Variants in ZFHX3 observed in about 807,000 individuals in gnomAD.
The protein encoded by ZFHX3 is zinc finger homeobox protein 3.
ZFHX3 carries 42 observed loss-of-function variants against 279.1 expected under a neutral mutation model. The observed-to-expected ratio is 0.15, with a 90% CI of 0.12 to 0.19. The LOEUF is 0.19. Among genes scored for constraint, ZFHX3 ranks in the 10% least tolerant of loss-of-function variants. The pLI, the probability that ZFHX3 is intolerant of heterozygous loss-of-function variation, is 1.00. For synonymous variants in ZFHX3, 2,293 were observed against 1,957.8 expected (o/e 1.17, Z -4.52); for missense variants, 4,981 against 4,754.0 (o/e 1.05, Z -1.40).
chr16:73,568,720 CT>C (rs2020485255), intron 2 of ZFHX3, among the ~76,000 whole-genome samples: 1 of 152,226 alleles, frequency 6.6e-6, no homozygotes, highest in African/African-American at 2.4e-5. Flanking sequence ...GCTGGCCCCC[CT>C]CTAGCCACAG....
intron 2 of ZFHX3, among the ~76,000 whole-genome samples, chr16:73,532,906 T>G (rs2019832391): frequency 6.6e-6 from 1 of 152,142 alleles, no homozygotes; most frequent in South Asian, 2.1e-4. Flanking sequence ...TCATTCTCTC[T>G]CCTGCCACCC....
intron 3 of ZFHX3, among the ~76,000 whole-genome samples, chr16:73,322,855 G>C (rs2015604961): frequency 6.6e-6 from 1 of 152,184 alleles, no homozygotes; most frequent in African/African-American, 2.4e-5. Context: ...AAAATAAAAT[G>C]GTCTAGCTGA....
In ZFHX3 at chr16:72,796,247, G is replaced by A. The variant is rs1409247034; in HGVS notation, c.6435C>T (p.Asn2145=). The part of the protein sequence containing the change: ...QLNPTLLQQQ[N]KRPRTRITDD... ...CTGTGATCCTGGTGCGAGGCCTCTT[G>A]TTCTGCTGCTGGAGCAGGGTTGGAT... Residue 2145 remains asparagine, a synonymous_variant, in exon 9 of 10, where the codon AAC becomes AAT. Coordinates refer to ENST00000268489, the MANE Select transcript of ZFHX3 (RefSeq NM_006885.4). 6.2e-6 allele frequency: 10 copies of A among 1,614,166 alleles called. No individual in the cohort carries two copies. Among genetic ancestry groups the A allele is most frequent in the Non-Finnish European group, 7.6e-6 (9 of 1,180,040 alleles).
chr16:72,887,229 C>T, intron 4 of ZFHX3, among the ~76,000 whole-genome samples: 1 of 152,098 alleles, frequency 6.6e-6, no homozygotes. Context: ...GGAGGGACGC[C>T]TCCAGGAGGA....
intron 1 of ZFHX3, among the ~76,000 whole-genome samples, chr16:72,989,664 T>C (rs949738866): frequency 2.0e-5 from 3 of 151,902 alleles, no homozygotes; most frequent in African/African-American, 7.3e-5. Flanking sequence ...AAGGAAGAAA[T>C]AAGTGGGAAG....
At chr16:73,109,155 C>T (rs961791447) in intron 7 of ZFHX3, among the ~76,000 whole-genome samples, 48 of 152,292 alleles carry the variant, frequency 3.2e-4, no homozygotes, top group African/African-American at 1.1e-3. Context: ...AACTGTTTCA[C>T]GTGTATTTTT....
At chr16:73,077,507 A>G (rs1053195387) in intron 8 of ZFHX3, among the ~76,000 whole-genome samples, 1 of 152,160 alleles carries the variant, frequency 6.6e-6, no homozygotes, top group African/African-American at 2.4e-5. Flanking sequence ...TTAGCCAATA[A>G]CAACAGCTTC....
chr16:72,852,430 AC>A (rs2037639944), intron 4 of ZFHX3, among the ~76,000 whole-genome samples: 1 of 152,248 alleles, frequency 6.6e-6, no homozygotes. Context: ...AGCACAGATA[AC>A]TGAAACTTTC....
rs975245508 is a variant in ZFHX3, at chr16:72,959,509, G to C, written c.637C>G (p.Gln213Glu). The C allele has an allele frequency of 2.5e-6, 4 of 1,614,274 alleles. No individual in the cohort carries two copies. Among genetic ancestry groups the C allele is most frequent in the Non-Finnish European group, 1.7e-6 (2 of 1,180,048 alleles). ...AGGGCTGAGGTATTCGGGAAAGCCT[G>C]GTCTGGGCCCTCAAACCATTTCCCG... ...SFGKWFEGPD[Q>E]AFPNTSALAG... is the part of the protein sequence containing the mutation. Residue 213 changes from glutamine (Q) to glutamate (E), a missense_variant, in exon 2 of 10, where the codon CAG (glutamine) becomes GAG (glutamate). Gln to Glu is a conservative substitution (Grantham distance 29, BLOSUM62 2). Coordinates refer to ENST00000268489, the MANE Select transcript of ZFHX3 (RefSeq NM_006885.4).
chr16:73,841,744 G>A (rs914302665), intron 1 of ZFHX3, among the ~76,000 whole-genome samples: 1 of 152,134 alleles, frequency 6.6e-6, no homozygotes, highest in East Asian at 1.9e-4. Flanking sequence ...CATAAGAAGT[G>A]ACTTAAATTA....
chr16:73,002,090 T>G (rs1044172478), intron 1 of ZFHX3, among the ~76,000 whole-genome samples: 5 of 151,772 alleles, frequency 3.3e-5, no homozygotes, highest in Admixed American at 3.3e-4. Context: ...GAAGAAAGAG[T>G]GAGGAGAGAA....
intron 1 of ZFHX3, chr16:73,816,196 T>C (rs923415260): frequency 3.3e-5 from 5 of 152,234 alleles, no homozygotes; most frequent in East Asian, 1.9e-4. Flanking sequence ...TTACTTTACA[T>C]TGAAGTATCT....
chr16:73,289,921 C>T (rs576962337), intron 4 of ZFHX3, among the ~76,000 whole-genome samples: 9 of 152,200 alleles, frequency 5.9e-5, no homozygotes, highest in Non-Finnish European at 1.2e-4. Flanking sequence ...GGGATGCCCC[C>T]TTCAGGGGTG....
chr16:73,407,215 G>T (rs773942618), intron 3 of ZFHX3, among the ~76,000 whole-genome samples: 9 of 152,180 alleles, frequency 5.9e-5, no homozygotes, highest in South Asian at 2.1e-4. Flanking sequence ...AGCCTCAAAT[G>T]CCAGTCGTGC....
At chr16:72,916,255 C>T (rs2039440189) in intron 3 of ZFHX3, among the ~76,000 whole-genome samples, 1 of 152,092 alleles carries the variant, frequency 6.6e-6, no homozygotes, top group Non-Finnish European at 1.5e-5. Flanking sequence ...AGATCAGGGA[C>T]TATTAAAGAT....
intron 1 of ZFHX3, among the ~76,000 whole-genome samples, chr16:73,701,872 T>TA (rs11318282): frequency 2.2e-4 from 32 of 146,222 alleles, no homozygotes; most frequent in South Asian, 1.5e-3. Context: ...GTTTGAGTCA[T>TA]AAAAAAAAAA....
At chr16:73,099,687 G>T (rs2144786367) in intron 7 of ZFHX3, among the ~76,000 whole-genome samples, 1 of 148,952 alleles carries the variant, frequency 6.7e-6, no homozygotes, top group South Asian at 2.2e-4. Flanking sequence ...CTCCAGCCTG[G>T]GCGACAGAGT....
intron 1 of ZFHX3, among the ~76,000 whole-genome samples, chr16:73,787,698 A>C (rs1378875109): frequency 1.3e-5 from 2 of 152,166 alleles, no homozygotes; most frequent in Non-Finnish European, 2.9e-5. Flanking sequence ...TGATGGATGC[A>C]CTATCTGGCA....
chr16:73,168,742 AC>A (rs1308561540), intron 5 of ZFHX3, among the ~76,000 whole-genome samples: 9 of 152,122 alleles, frequency 5.9e-5, no homozygotes, highest in African/African-American at 2.2e-4. Context: ...ATCTCCATCC[AC>A]AAAACACTCT....
Sources: gnomAD v4.1 joint callset for allele counts (sites outside exome capture counted in the v4.1 genomes callset) on GRCh38, gnomAD v4.1.1 for gene constraint, MANE v1.5 for transcripts, NCBI Gene and HGNC (gene_info 2026-07-23, HGNC 2026-07-21) for gene names.